SNHG17: variants seen among roughly 807,000 people sequenced by gnomAD.
The protein encoded by SNHG17 is small nucleolar RNA host gene 17 (non-protein coding).
intron 5 of SNHG17, among the ~76,000 whole-genome samples, chr20:38,423,550 T>TAAAA (rs34484602): frequency 2.1e-4 from 26 of 125,040 alleles, no homozygotes; most frequent in African/African-American, 6.8e-4. Context: ...TGTGCAATGT[T>TAAAA]AAAAAAAAAA....
intron 5 of SNHG17, chr20:38,425,257 G>A (rs368354703): frequency 7.7e-5 from 40 of 519,050 alleles, no homozygotes; most frequent in Non-Finnish European, 1.2e-4. Flanking sequence ...ACGGGGAAGC[G>A]CTTTCATTGA....
rs941108555 is a variant in SNHG17 at position 38,432,091 on chromosome 20, G to A, written n.309-979C>T. 3.0e-6 allele frequency: 3 copies of A among 985,300 alleles called. No homozygotes were observed. In the African/African-American group the frequency reaches 5.2e-5, roughly 17 times the overall value. The allele number at this position is 985,300 out of a possible 1,614,324, so 61.0% of individuals were successfully genotyped here. ...CAGCCTCCTCTGCCAGAATCAAGAA[G>A]CCCTGGATGAGCTATCTAGACATCA... On this transcript the variant is annotated intron_variant and non_coding_transcript_variant, in intron 2 of 8. Coordinates refer to ENST00000654008, the Ensembl canonical transcript of SNHG17.
chr20:38,426,227 T>C (rs2084246674), intron 4 of SNHG17, among the ~76,000 whole-genome samples: 1 of 151,896 alleles, frequency 6.6e-6, no homozygotes, highest in Non-Finnish European at 1.5e-5. Flanking sequence ...GGGAGCTCTG[T>C]AAGCCCCACC....
rs189372933 is a variant in SNHG17 at position 38,424,118 on chromosome 20, C to T, written n.579+1817G>A. Among the ~76,000 whole-genome samples, 679 of 150,870 alleles carry T rather than the reference C, an allele frequency of 4.5e-3. 5 individuals carry two copies. Among genetic ancestry groups the T allele is most frequent in the African/African-American group, 0.016 (661 of 40,954 alleles). On this transcript the variant is annotated intron_variant and non_coding_transcript_variant, in intron 5 of 8. Transcript: ENST00000654008. ...CCAGGAGGCAGAGGCTGCAGTGAGC[C>T]GTGTTTGCACCACTGCACTCCAGCC... is the stretch of plus-strand genomic sequence containing the variant.
intron 3 of SNHG17, chr20:38,429,845 T>C (rs752462050): frequency 2.0e-6 from 1 of 510,688 alleles, no homozygotes; most frequent in Non-Finnish European, 3.9e-6. Context: ...AGGCCAATGC[T>C]GGCATTCCGG....
chr20:38,421,999 A>G (rs1289873928), intron 6 of SNHG17: 1 of 152,388 alleles, frequency 6.6e-6, no homozygotes, highest in Admixed American at 6.5e-5. Context: ...CACACCCTGA[A>G]AGAAAAACTC....
At chr20:38,422,801 AGACCCT>A (rs1165369242) in intron 5 of SNHG17, among the ~76,000 whole-genome samples, 1 of 152,168 alleles carries the variant, frequency 6.6e-6, no homozygotes, top group East Asian at 1.9e-4. Context: ...CTTAAAAAGA[AGACCCT>A]TGGCCAGGCG....
At chr20:38,431,969 A>T in intron 2 of SNHG17, 5 of 982,800 alleles carry the variant, frequency 5.1e-6, no homozygotes, top group Non-Finnish European at 6.0e-6. Flanking sequence ...TGGGACACAA[A>T]GCCCCAGATC....
intron 5 of SNHG17, among the ~76,000 whole-genome samples, chr20:38,423,839 ACAT>A (rs1167746211): frequency 2.0e-5 from 3 of 152,208 alleles, no homozygotes; most frequent in African/African-American, 7.2e-5. Context: ...TTATTCTATA[ACAT>A]CATGTTGTAA....
chr20:38,430,037 C>T (rs1484487392), intron 3 of SNHG17, among the ~76,000 whole-genome samples: 1 of 152,176 alleles, frequency 6.6e-6, no homozygotes, highest in Non-Finnish European at 1.5e-5. Flanking sequence ...ACTGGGCTGG[C>T]CGGGTGCAGT....
chr20:38,423,431 A>G lies in SNHG17; in HGVS notation n.580-1190T>C, dbSNP rs558740773. ...GACCCTGTCTCAACCAAAAAAAAGAAAAAGATAGAGAAAGATCCTGTCATT... is the reference window on the plus strand; with the variant it reads ...GACCCTGTCTCAACCAAAAAAAAGAGAAAGATAGAGAAAGATCCTGTCATT... On this transcript the variant is annotated intron_variant and non_coding_transcript_variant, in intron 5 of 8. Transcript: ENST00000654008. Among the ~76,000 whole-genome samples the G allele has an allele frequency of 4.0e-5, 6 of 148,390 alleles. No individual in the cohort carries two copies. The South Asian group carries it at 1.3e-3, about 32-fold the overall frequency.
intron 2 of SNHG17, among the ~76,000 whole-genome samples, chr20:38,431,399 G>A (rs759363055): frequency 6.6e-6 from 1 of 152,138 alleles, no homozygotes; most frequent in Non-Finnish European, 1.5e-5. Flanking sequence ...TTGCACACAG[G>A]GGCAGAAAGA....
intron 5 of SNHG17, among the ~76,000 whole-genome samples, chr20:38,423,145 C>T (rs1315006425): frequency 6.6e-6 from 1 of 151,554 alleles, no homozygotes; most frequent in Non-Finnish European, 1.5e-5. Context: ...GCCTGTAATC[C>T]CAGCACTTTT....
intron 3 of SNHG17, among the ~76,000 whole-genome samples, chr20:38,426,995 T>G: frequency 8.0e-6 from 1 of 125,580 alleles, no homozygotes. Context: ...AAGTTACACA[T>G]ACACACACAC....
chr20:38,432,944 C>G (rs2122730036), intron 2 of SNHG17, among the ~76,000 whole-genome samples: 1 of 152,198 alleles, frequency 6.6e-6, no homozygotes, highest in East Asian at 1.9e-4. Context: ...GCCACCACGA[C>G]CAGCCACAGT....
intron 2 of SNHG17, chr20:38,433,947 C>A (rs1267249029): frequency 3.9e-6 from 2 of 519,104 alleles, no homozygotes; most frequent in East Asian, 1.1e-4. Flanking sequence ...TCTCTCCCTG[C>A]ACTATCAATG....
At chr20:38,426,061 A>G (rs1847076513) in intron 4 of SNHG17, 1 of 88,108 alleles carries the variant, frequency 1.1e-5, no homozygotes. Context: ...GCCTCAAAAA[A>G]AAAAAAAAAA....
At chr20:38,422,006 A>C (rs1335566576) in intron 6 of SNHG17, 1 of 152,256 alleles carries the variant, frequency 6.6e-6, no homozygotes, top group Non-Finnish European at 1.5e-5. Flanking sequence ...TGAAAGAAAA[A>C]CTCACTGCTA....
chr20:38,433,461 T>G (rs1308304132), intron 2 of SNHG17, among the ~76,000 whole-genome samples: 1 of 152,050 alleles, frequency 6.6e-6, no homozygotes, highest in Non-Finnish European at 1.5e-5. Flanking sequence ...CTGGGCAACA[T>G]AGCGAGACCC....
Sources: allele counts gnomAD v4.1 joint callset (sites outside exome capture counted in the v4.1 genomes callset), GRCh38; gene constraint gnomAD v4.1.1; transcripts MANE v1.5; gene names NCBI Gene and HGNC (gene_info 2026-07-23, HGNC 2026-07-21).